CHD1L: variants seen among roughly 807,000 people sequenced by gnomAD.
CHD1L encodes the protein chromodomain helicase DNA binding protein 1 like.
Under a neutral mutation model 115.9 loss-of-function variants are expected in CHD1L, and 118 were observed. The observed-to-expected ratio is 1.02, with a 90% CI of 0.88 to 1.19. CHD1L has a LOEUF of 1.19. CHD1L is among the 50% of genes most tolerant of loss of function. The pLI, the probability that CHD1L is intolerant of heterozygous loss-of-function variation, is 0.00. For missense variants in CHD1L, 1,179 were observed against 1,065.3 expected, an observed-to-expected ratio of 1.11 and a Z score of -1.49; for synonymous variants, 411 against 387.1, an observed-to-expected ratio of 1.06 and a Z score of -0.72.
At chr1:147,264,008 T>C (rs1421293095) in intron 6 of CHD1L, among the ~76,000 whole-genome samples, 2 of 152,230 alleles carry the variant, frequency 1.3e-5, no homozygotes, top group African/African-American at 2.4e-5. Context: ...GGCCTGATGC[T>C]GTAGCGTTGG....
rs782311405 is a variant in CHD1L at position 147,252,651 on chromosome 1, G to C, written c.156G>C (p.Glu52Asp). 12 of 1,613,954 alleles carry C rather than the reference G, an allele frequency of 7.4e-6. No individual in the cohort carries two copies. The South Asian group carries it at 1.3e-4, about 18-fold the overall frequency. The change falls in exon 2 of 23, where the codon GAG becomes GAC. Residue 52 changes from glutamate to aspartate, a missense_variant. By Grantham distance (45) the Glu-to-Asp change is conservative. Coordinates refer to ENST00000369258, the MANE Select transcript of CHD1L (RefSeq NM_004284.6). ...TGIHLRSYQL[E>D]GVNWLAQRFH... The stretch of plus-strand genomic sequence containing the variant: ...TTCACCTACGCTCTTACCAGCTGGA[G>C]GGAGTAAACTGGCTCGCCCAGCGCT...
chr1:147,198,156 C>T, the CHD1L span, among the ~76,000 whole-genome samples: 3 of 152,274 alleles, frequency 2.0e-5, no homozygotes, highest in Admixed American at 2.0e-4. Flanking sequence ...TTTAACATAA[C>T]TGGAAATTGG....
intron 12 of CHD1L, among the ~76,000 whole-genome samples, chr1:147,272,741 A>G (rs1553954310): frequency 6.6e-6 from 1 of 152,164 alleles, no homozygotes; most frequent in African/African-American, 2.4e-5. Flanking sequence ...GAAAATACCA[A>G]CTTTTTAGAA....
At chr1:147,263,828 T>G (rs1672869322) in intron 6 of CHD1L, among the ~76,000 whole-genome samples, 2 of 152,178 alleles carry the variant, frequency 1.3e-5, no homozygotes, top group South Asian at 4.2e-4. Context: ...CATCTTGGTG[T>G]TCTTCTTTGT....
the CHD1L span, among the ~76,000 whole-genome samples, chr1:147,188,465 G>C: frequency 7.1e-6 from 1 of 140,928 alleles, no homozygotes; most frequent in African/African-American, 2.7e-5. Flanking sequence ...GGAGGTTGCA[G>C]TGAGCCAAGA....
chr1:147,249,814 CCTT>C (rs1667843363), intron 1 of CHD1L, among the ~76,000 whole-genome samples: 1 of 152,168 alleles, frequency 6.6e-6, no homozygotes, highest in South Asian at 2.1e-4. Context: ...GCCCTATCCT[CCTT>C]CACCTGTTTT....
At chr1:147,235,960 C>T in the CHD1L span, among the ~76,000 whole-genome samples, 1 of 152,200 alleles carries the variant, frequency 6.6e-6, no homozygotes, top group Non-Finnish European at 1.5e-5. Flanking sequence ...GCAGGCTGCA[C>T]ATGGCTCATG....
rs1016730630 is a variant in CHD1L at position 147,284,356 on chromosome 1, C to T, written c.1711C>T (p.His571Tyr). 3 of 1,566,440 alleles carry T rather than the reference C, an allele frequency of 1.9e-6. No individual in the cohort carries two copies. In the East Asian group the frequency reaches 6.8e-5, roughly 35 times the overall value. The stretch of plus-strand genomic sequence containing the variant: ...TTTGTGTTTTATGTTGTTAGAAAAT[C>T]ATATGTACTTATTTGAAGGTAAAGA... ...GSRDQEEGKN[H>Y]MYLFEGKDYS... is the part of the protein sequence containing the mutation. The change falls in exon 16 of 23, where the codon CAT becomes TAT. Residue 571 changes from histidine (H) to tyrosine (Y), a missense_variant. Coordinates refer to ENST00000369258, the MANE Select transcript of CHD1L (RefSeq NM_004284.6).
chr1:147,252,129 ACAT>A (rs1668596518), intron 1 of CHD1L, among the ~76,000 whole-genome samples: 1 of 152,190 alleles, frequency 6.6e-6, no homozygotes, highest in South Asian at 2.1e-4. Context: ...CCTTTGTGAA[ACAT>A]CATTTCCATT....
intron 8 of CHD1L, among the ~76,000 whole-genome samples, chr1:147,266,616 C>G (rs1353278657): frequency 6.6e-6 from 1 of 152,132 alleles, no homozygotes; most frequent in African/African-American, 2.4e-5. Flanking sequence ...GTCATCAGTC[C>G]AATAGTCATG....
intron 2 of CHD1L, 65 bp downstream of exon 2, chr1:147,252,800 A>G: frequency 2.4e-5 from 32 of 1,306,686 alleles, no homozygotes; most frequent in Non-Finnish European, 3.4e-5. Flanking sequence ...CTCATTCTGG[A>G]GCTGAGAGCT....
At chr1:147,247,295 G>GT (rs147396401) in intron 1 of CHD1L, among the ~76,000 whole-genome samples, 2,838 of 152,276 alleles carry the variant, frequency 0.019, 89 homozygotes, top group African/African-American at 0.064. Context: ...GATCCCCAGT[G>GT]TTGGAGGTGG....
intron 3 of CHD1L, 77 bp downstream of exon 3, chr1:147,255,053 A>C (rs1267285386): frequency 1.8e-6 from 2 of 1,082,574 alleles, no homozygotes; most frequent in African/African-American, 3.2e-5. Flanking sequence ...ATAAAATATG[A>C]TAAAACAACC....
intron 7 of CHD1L, among the ~76,000 whole-genome samples, 177 bp downstream of exon 7, chr1:147,264,761 T>TCTGG (rs1673246565): frequency 6.6e-6 from 1 of 152,228 alleles, no homozygotes; most frequent in South Asian, 2.1e-4. Flanking sequence ...AGTTGTCTGC[T>TCTGG]GTTCATGCCT....
At chr1:147,198,870 A>G in the CHD1L span, among the ~76,000 whole-genome samples, 9 of 147,782 alleles carry the variant, frequency 6.1e-5, no homozygotes, top group East Asian at 2.0e-4. Context: ...AAAAAAAAAA[A>G]AAAAAGAAAG....
chr1:147,292,004 A>G (rs1685730831), intron 20 of CHD1L, among the ~76,000 whole-genome samples: 1 of 152,084 alleles, frequency 6.6e-6, no homozygotes, highest in Admixed American at 6.6e-5. Flanking sequence ...GGGGGGACAC[A>G]GTTCAGCCTA....
At chr1:147,189,372 A>G in the CHD1L span, among the ~76,000 whole-genome samples, 2 of 152,040 alleles carry the variant, frequency 1.3e-5, no homozygotes, top group Non-Finnish European at 2.9e-5. Flanking sequence ...TTTAGTGCAG[A>G]GGTTTGGCAG....
At chr1:147,278,846 A>G (rs587663432) in intron 14 of CHD1L, among the ~76,000 whole-genome samples, 1 of 152,288 alleles carries the variant, frequency 6.6e-6, no homozygotes, top group East Asian at 1.9e-4. Context: ...TTCCAATCCA[A>G]GCACTCTCTA....
At chr1:147,201,402 A>G in the CHD1L span, 1 of 1,614,038 alleles carries the variant, frequency 6.2e-7, no homozygotes, top group Non-Finnish European at 8.5e-7. Context: ...CAAATATGGC[A>G]GCTGTCTCCG....
Sources: allele counts gnomAD v4.1 joint callset (sites outside exome capture counted in the v4.1 genomes callset), GRCh38; gene constraint gnomAD v4.1.1; transcripts MANE v1.5; gene names NCBI Gene and HGNC (gene_info 2026-07-23, HGNC 2026-07-21).